Variants in DKK2 observed in about 807,000 individuals in gnomAD.
DKK2 encodes dickkopf Wnt signaling pathway inhibitor 2.
Under a neutral mutation model 28.1 loss-of-function variants are expected in DKK2, and 11 were observed. The observed-to-expected ratio is 0.39, with a 90% CI of 0.25 to 0.65. The LOEUF is 0.65. DKK2 is among the 30% of genes least tolerant of loss of function. The pLI is 0.47. For missense variants in DKK2, 326 were observed against 335.5 expected, an observed-to-expected ratio of 0.97 and a Z score of 0.22; for synonymous variants, 135 against 126.5, an observed-to-expected ratio of 1.07 and a Z score of -0.45.
chr4:107,026,514 G>C (rs2212967), intron 1 of DKK2, among the ~76,000 whole-genome samples: 33,191 of 151,764 alleles, frequency 0.22, 4,099 homozygotes, highest in East Asian at 0.53. Flanking sequence ...CTATCACAGA[G>C]AAAAAAATGG....
At chr4:106,940,301 C>T (rs1458424227) in intron 1 of DKK2, among the ~76,000 whole-genome samples, 1 of 152,156 alleles carries the variant, frequency 6.6e-6, no homozygotes. Flanking sequence ...GGGCAAAGGA[C>T]ATGAACAGAC....
At chr4:106,941,453 C>A (rs557395790) in intron 1 of DKK2, among the ~76,000 whole-genome samples, 72 of 152,200 alleles carry the variant, frequency 4.7e-4, no homozygotes, top group African/African-American at 1.7e-3. Flanking sequence ...CATTTTCCAG[C>A]CTGATTCCTT....
chr4:106,995,801 C>T (rs1374469745), intron 1 of DKK2, among the ~76,000 whole-genome samples: 6 of 152,068 alleles, frequency 3.9e-5, no homozygotes. Context: ...TTAGTAGAGA[C>T]GGGGTTTCAC....
chr4:107,034,487 C>T (rs1036920144), intron 1 of DKK2, among the ~76,000 whole-genome samples: 25 of 152,258 alleles, frequency 1.6e-4, no homozygotes, highest in Middle Eastern at 3.4e-3. Context: ...CGTCTCTGTG[C>T]GTGTCTATTT....
chr4:107,013,802 G>T (rs1284839129), intron 1 of DKK2, among the ~76,000 whole-genome samples: 1 of 151,504 alleles, frequency 6.6e-6, no homozygotes, highest in Non-Finnish European at 1.5e-5. Context: ...CTGACAGGGG[G>T]TTGATATTTA....
chr4:106,926,034 A>T, intron 1 of DKK2, 85 bp from the exon 2 acceptor site: 1 of 1,409,872 alleles, frequency 7.1e-7, no homozygotes, highest in Admixed American at 2.5e-5. Flanking sequence ...TCATGATAGA[A>T]AATGAATCAC....
At position 106,993,445 on chromosome 4, in the gene DKK2, C is replaced by T. The variant is rs547636916; in HGVS notation, c.222+41925G>A. ...GCTAACTTTATCCATGAAATCATTGCCATAATATCCACGAAGACCAATTTC... is the reference window on the plus strand; with the variant it reads ...GCTAACTTTATCCATGAAATCATTGTCATAATATCCACGAAGACCAATTTC... On this transcript the variant is annotated intron_variant, in intron 1 of 3. Transcript: ENST00000285311. Among the ~76,000 whole-genome samples, 547 of 152,152 alleles carry T rather than the reference C, an allele frequency of 3.6e-3. 5 individuals carry two copies. Among genetic ancestry groups the T allele is most frequent in the Non-Finnish European group, 6.6e-3 (450 of 68,018 alleles).
chr4:106,973,494 T>C (rs535992956), intron 1 of DKK2, among the ~76,000 whole-genome samples: 35 of 152,234 alleles, frequency 2.3e-4, no homozygotes, highest in Non-Finnish European at 3.7e-4. Flanking sequence ...CCAGTGATGA[T>C]GAGCTTTTTT....
At chr4:107,007,223 C>T (rs2110367471) in intron 1 of DKK2, among the ~76,000 whole-genome samples, 1 of 152,146 alleles carries the variant, frequency 6.6e-6, no homozygotes, top group Admixed American at 6.6e-5. Context: ...ACTGATGCTT[C>T]TACATGGAAT....
chr4:106,933,048 C>A (rs1477931098), intron 1 of DKK2, among the ~76,000 whole-genome samples: 2 of 152,100 alleles, frequency 1.3e-5, no homozygotes, highest in Admixed American at 1.3e-4. Context: ...CATAAAAATT[C>A]CATGGGGTTT....
chr4:106,987,011 T>C (rs540213681), intron 1 of DKK2, among the ~76,000 whole-genome samples: 1 of 152,376 alleles, frequency 6.6e-6, no homozygotes, highest in South Asian at 2.1e-4. Flanking sequence ...GGATTTATTG[T>C]TGGCTTATGT....
intron 1 of DKK2, among the ~76,000 whole-genome samples, chr4:106,943,926 C>T (rs1724739483): frequency 1.3e-5 from 2 of 152,100 alleles, no homozygotes; most frequent in Non-Finnish European, 2.9e-5. Context: ...TCAGATGGCA[C>T]TGGTGACACT....
chr4:106,938,235 GA>G (rs1376430469), intron 1 of DKK2, among the ~76,000 whole-genome samples: 2 of 149,638 alleles, frequency 1.3e-5, no homozygotes, highest in African/African-American at 4.9e-5. Context: ...GACTAATAAA[GA>G]AAAAAAGAGA....
chr4:107,001,020 A>C (rs1723351855), intron 1 of DKK2, among the ~76,000 whole-genome samples: 2 of 151,746 alleles, frequency 1.3e-5, no homozygotes, highest in South Asian at 4.2e-4. Context: ...TTTATTTCTC[A>C]CCATAACATG....
intron 1 of DKK2, among the ~76,000 whole-genome samples, chr4:106,940,797 A>G (rs1257216842): frequency 6.6e-6 from 1 of 152,230 alleles, no homozygotes; most frequent in Non-Finnish European, 1.5e-5. Flanking sequence ...GGATGGGTTC[A>G]TGTCCTTTGT....
chr4:106,958,513 A>G (rs557068498), intron 1 of DKK2, among the ~76,000 whole-genome samples: 2 of 152,166 alleles, frequency 1.3e-5, no homozygotes, highest in East Asian at 3.9e-4. Flanking sequence ...GCCAAGCAGT[A>G]TTTTTGAAGG....
chr4:106,940,399 C>T (rs1051535101), intron 1 of DKK2, among the ~76,000 whole-genome samples: 1 of 151,544 alleles, frequency 6.6e-6, no homozygotes, highest in African/African-American at 2.4e-5. Context: ...CAAATCAAAA[C>T]CACAATGAGA....
At chr4:106,931,729 C>T (rs966661126) in intron 1 of DKK2, among the ~76,000 whole-genome samples, 25 of 151,990 alleles carry the variant, frequency 1.6e-4, no homozygotes, top group Non-Finnish European at 1.6e-4. Flanking sequence ...ATCTGAGAAA[C>T]CTTCAGTTAG....
At chr4:106,967,500 G>C (rs902443047) in intron 1 of DKK2, among the ~76,000 whole-genome samples, 18 of 152,146 alleles carry the variant, frequency 1.2e-4, no homozygotes, top group Admixed American at 3.9e-4. Context: ...AGAGGGAAGA[G>C]AGCAAGGTAG....
Sources: gnomAD v4.1 joint callset for allele counts (sites outside exome capture counted in the v4.1 genomes callset) on GRCh38, gnomAD v4.1.1 for gene constraint, MANE v1.5 for transcripts, NCBI Gene and HGNC (gene_info 2026-07-23, HGNC 2026-07-21) for gene names.